The following COL24A1 variants were observed in gnomAD, a reference collection of about 807,000 sequenced individuals.
COL24A1 encodes the protein collagen type XXIV alpha 1 chain.
A neutral mutation model predicts 253.9 loss-of-function variants in COL24A1; 224 were observed. The observed-to-expected ratio is 0.88, with a 90% CI of 0.79 to 0.99. The LOEUF (loss-of-function observed/expected upper bound fraction) is 0.99, where lower values mean the gene tolerates loss of function less well. COL24A1 is among the 50% of genes least tolerant of loss of function. The probability of loss-of-function intolerance (pLI) is 0.00; values close to 1 mark genes in which losing one functional copy is unlikely to be tolerated. For missense variants in COL24A1, 2,131 were observed against 2,068.5 expected (o/e 1.03, Z -0.59); for synonymous variants, 685 against 673.7 (o/e 1.02, Z -0.26).
rs1455451751 is a variant in COL24A1 at position 85,816,796 on chromosome 1, CCT to C, written c.3941_3942del (p.Gln1314ArgfsTer41). The C allele has an allele frequency of 6.2e-7, 1 of 1,612,340 alleles. No homozygotes were observed. Among genetic ancestry groups the C allele is most frequent in the Non-Finnish European group, 8.5e-7 (1 of 1,178,432 alleles). On this transcript the variant is annotated frameshift_variant, in exon 47 of 60. Transcript: ENST00000370571. LOFTEE classifies it high-confidence loss of function. ...ATATCCGTACTACTCACAGGAAGTC[CCT>C]GTTTTCCTGGTGGCCCAATTTTTCC... ...NPGKIGPPGK[Q>X]GLPGIRGGPG...
At chr1:85,950,157 A>G (rs546440933) in intron 24 of COL24A1, among the ~76,000 whole-genome samples, 1 of 152,256 alleles carries the variant, frequency 6.6e-6, no homozygotes, top group East Asian at 1.9e-4. Context: ...ATTGTATCAT[A>G]ATGGATTTTT....
In COL24A1 at chr1:85,936,059, T is replaced by C. The variant is rs533486934; in HGVS notation, c.2563-24626A>G. Among the ~76,000 whole-genome samples, 4 of 147,234 alleles carry C rather than the reference T, an allele frequency of 2.7e-5. 1 individual carries two copies. The highest frequency in any genetic ancestry group is 4.3e-4 in the East Asian group (2 of 4,692). On this transcript the variant is annotated intron_variant, in intron 24 of 59. Transcript: ENST00000370571. ...TCCTTCTGGGGGATTGCAGAGAAGATTGGGTAAAAGCCAGGATTTAAAATC... is the reference window on the plus strand; with the variant it reads ...TCCTTCTGGGGGATTGCAGAGAAGACTGGGTAAAAGCCAGGATTTAAAATC...
intron 53 of COL24A1, among the ~76,000 whole-genome samples, chr1:85,768,551 C>A (rs1418453504): frequency 7.1e-6 from 1 of 140,432 alleles, no homozygotes; most frequent in African/African-American, 2.6e-5. Flanking sequence ...CTCTAAAGAA[C>A]TCTTTATGTT....
At chr1:85,901,638 C>T (rs1684304013) in intron 28 of COL24A1, among the ~76,000 whole-genome samples, 1 of 151,620 alleles carries the variant, frequency 6.6e-6, no homozygotes, top group Admixed American at 6.6e-5. Context: ...TGGTGAAACC[C>T]CATCTCTACT....
At chr1:86,023,622 GA>G (rs1697758874) in intron 14 of COL24A1, among the ~76,000 whole-genome samples, 1 of 151,932 alleles carries the variant, frequency 6.6e-6, no homozygotes, top group South Asian at 2.1e-4. Context: ...GAAAAAAAGA[GA>G]AAAAAGACAT....
chr1:86,035,180 T>A (rs1207164344), intron 12 of COL24A1, among the ~76,000 whole-genome samples: 1 of 152,176 alleles, frequency 6.6e-6, no homozygotes, highest in African/African-American at 2.4e-5. Context: ...AAAAACCATC[T>A]GTGTAGTCAA....
Position 85,917,579 on chromosome 1 carries a change from CT to C in COL24A1, c.2563-6147del, listed in dbSNP as rs1213415427. ...TGTTTTGGGCTTTTTCTGTGTAATT[CT>C]TTTCCATGTCTTTGCTCAATTTATT... On this transcript the variant is annotated intron_variant, in intron 24 of 59. Transcript: ENST00000370571. Among the ~76,000 whole-genome samples, 3 of 148,390 alleles carry C rather than the reference CT, an allele frequency of 2.0e-5. No homozygotes were observed. The East Asian group carries it at 6.0e-4, about 30-fold the overall frequency.
chr1:85,774,330 T>C (rs998187942), intron 53 of COL24A1, among the ~76,000 whole-genome samples: 2 of 152,188 alleles, frequency 1.3e-5, no homozygotes, highest in African/African-American at 4.8e-5. Context: ...CCTAAAATTC[T>C]CTTTTTTTGT....
chr1:85,893,631 G>A (rs534878828), intron 31 of COL24A1, among the ~76,000 whole-genome samples: 95 of 152,174 alleles, frequency 6.2e-4, no homozygotes, highest in African/African-American at 2.2e-3. Flanking sequence ...GGCAAGTATT[G>A]TATAGGAAAC....
At chr1:85,796,121 T>C (rs1218889388) in intron 47 of COL24A1, among the ~76,000 whole-genome samples, 2 of 152,166 alleles carry the variant, frequency 1.3e-5, no homozygotes, top group African/African-American at 4.8e-5. Context: ...AGTTAGGAGG[T>C]AATTTTAGTT....
intron 28 of COL24A1, among the ~76,000 whole-genome samples, chr1:85,903,624 T>C (rs1202408561): frequency 6.6e-6 from 1 of 152,188 alleles, no homozygotes; most frequent in Non-Finnish European, 1.5e-5. Flanking sequence ...TTGGCTGCAC[T>C]GAGCTGTATT....
At chr1:85,957,474 A>G (rs1690582896) in intron 24 of COL24A1, among the ~76,000 whole-genome samples, 1 of 152,182 alleles carries the variant, frequency 6.6e-6, no homozygotes, top group Non-Finnish European at 1.5e-5. Context: ...TTAGAATTGG[A>G]ATTATCCTGA....
At position 86,132,975 on chromosome 1, in the gene COL24A1, G is replaced by A. The variant is rs117968757; in HGVS notation, c.122-6761C>T. On this transcript the variant is annotated intron_variant, in intron 2 of 59. Transcript: ENST00000370571. ...CTTGGGCAGTATGGCCCTTTTTCAC[G>A]ATATTGATTCTTCCTACCTATGAGC... is the stretch of plus-strand genomic sequence containing the variant. 5.3e-3 allele frequency among the ~76,000 whole-genome samples: 797 copies of A among 149,222 alleles called. 14 individuals carry two copies. The East Asian group carries it at 0.066, about 12-fold the overall frequency.
intron 7 of COL24A1, among the ~76,000 whole-genome samples, chr1:86,079,550 C>T (rs1312366101): frequency 6.6e-6 from 1 of 152,086 alleles, no homozygotes; most frequent in African/African-American, 2.4e-5. Flanking sequence ...TTGCAAACTA[C>T]CTATCTCATG....
intron 19 of COL24A1, among the ~76,000 whole-genome samples, chr1:85,992,537 T>C (rs1015329799): frequency 1.3e-5 from 2 of 152,090 alleles, no homozygotes; most frequent in African/African-American, 4.8e-5. Flanking sequence ...ACACTCAAAA[T>C]GTACATCAAA....
At chr1:86,085,631 C>G (rs372135422) in intron 7 of COL24A1, among the ~76,000 whole-genome samples, 1 of 152,142 alleles carries the variant, frequency 6.6e-6, no homozygotes, top group East Asian at 1.9e-4. Flanking sequence ...ATTCCAAACG[C>G]AGAATTAGGA....
At chr1:86,085,270 C>T (rs138433626) in intron 7 of COL24A1, among the ~76,000 whole-genome samples, 7 of 152,180 alleles carry the variant, frequency 4.6e-5, no homozygotes, top group East Asian at 1.9e-4. Context: ...TGTGTACCTC[C>T]TATGCAATGA....
intron 53 of COL24A1, among the ~76,000 whole-genome samples, chr1:85,771,266 G>A (rs1229111627): frequency 2.0e-5 from 3 of 151,798 alleles, no homozygotes; most frequent in South Asian, 2.1e-4. Context: ...TCCGACCCCC[G>A]ACAGGCCCCG....
intron 3 of COL24A1, among the ~76,000 whole-genome samples, chr1:86,122,250 C>G (rs748799901): frequency 2.0e-5 from 3 of 151,976 alleles, no homozygotes; most frequent in Non-Finnish European, 4.4e-5. Context: ...TCAAAAGTCT[C>G]TTCTTTGGCT....
Sources: allele counts gnomAD v4.1 joint callset (sites outside exome capture counted in the v4.1 genomes callset), GRCh38; gene constraint gnomAD v4.1.1; transcripts MANE v1.5; gene names NCBI Gene and HGNC (gene_info 2026-07-23, HGNC 2026-07-21).